CNBD1: variants seen among roughly 807,000 people sequenced by gnomAD.
CNBD1 encodes cyclic nucleotide-binding domain-containing protein 1.
In CNBD1, 71 loss-of-function variants were observed where a neutral mutation model predicts 54.4. That is an observed-to-expected ratio of 1.30 (90% CI 1.08 to 1.59). CNBD1 has a LOEUF of 1.59. Among genes scored for constraint, CNBD1 ranks in the 40% most tolerant of loss-of-function variants. The pLI, the probability that CNBD1 is intolerant of heterozygous loss-of-function variation, is 0.00. For missense variants in CNBD1, 659 were observed against 518.0 expected, an observed-to-expected ratio of 1.27 and a Z score of -2.64; for synonymous variants, 182 against 170.7, an observed-to-expected ratio of 1.07 and a Z score of -0.51.
intron 10 of CNBD1, among the ~76,000 whole-genome samples, chr8:87,377,967 G>C (rs1316509313): frequency 7.0e-6 from 1 of 142,700 alleles, no homozygotes; most frequent in Non-Finnish European, 1.5e-5. Flanking sequence ...AGAAGTGTCT[G>C]TTCATGTCCT....
chr8:87,228,843 G>C (rs1056938895), intron 5 of CNBD1, among the ~76,000 whole-genome samples: 63 of 152,270 alleles, frequency 4.1e-4, no homozygotes, highest in African/African-American at 1.4e-3. Context: ...CTCCAGCCTC[G>C]CTGCTGCCTT....
rs1056938895 is a variant in CNBD1, at chr8:87,228,843, G to A, written c.578-8076G>A. 7.0e-4 allele frequency among the ~76,000 whole-genome samples: 106 copies of A among 152,268 alleles called. 1 individual carries two copies. Among genetic ancestry groups the A allele is most frequent in the African/African-American group, 2.2e-3 (90 of 41,536 alleles). On this transcript the variant is annotated intron_variant, in intron 5 of 10. Coordinates refer to ENST00000518476, the MANE Select transcript of CNBD1 (RefSeq NM_173538.3). The stretch of plus-strand genomic sequence containing the variant: ...TGGCGGGCGCCCCTCCTCCAGCCTC[G>A]CTGCTGCCTTGCAGTTTGATCTCAG...
At chr8:87,385,043 TG>T (rs1172876759), downstream of CNBD1, among the ~76,000 whole-genome samples, 1 of 152,104 alleles carries the variant, frequency 6.6e-6, no homozygotes, top group Non-Finnish European at 1.5e-5. Context: ...AATAATCACT[TG>T]GGTTCTATAT....
In CNBD1 at chr8:87,369,646, A is replaced by T. The variant is rs137925536; in HGVS notation, c.1304-12974A>T. 9.4e-4 allele frequency among the ~76,000 whole-genome samples: 142 copies of T among 151,862 alleles called. 1 individual carries two copies. The highest frequency in any genetic ancestry group is 1.3e-3 in the Non-Finnish European group (87 of 67,940). ...GTTATTCCTCCTTCTTCTGGCCTCT[A>T]TAGTTTCCAATGAGAAGTTGCTGTT... On this transcript the variant is annotated intron_variant, in intron 10 of 10. Transcript: ENST00000518476.
At chr8:87,356,740 C>T (rs1229417359) in intron 10 of CNBD1, among the ~76,000 whole-genome samples, 2 of 152,124 alleles carry the variant, frequency 1.3e-5, no homozygotes, top group Admixed American at 1.3e-4. Flanking sequence ...TTTAAATGCA[C>T]TGTGGAGCAA....
chr8:87,392,125 T>G (rs116453846), intron 2 of CNBD1, among the ~76,000 whole-genome samples: 2,870 of 152,116 alleles, frequency 0.019, 92 homozygotes, highest in African/African-American at 0.062. Flanking sequence ...TACCTACTAT[T>G]TTGAAAAATT....
At chr8:87,032,121 G>A (rs553962822) in intron 4 of CNBD1, among the ~76,000 whole-genome samples, 2 of 152,268 alleles carry the variant, frequency 1.3e-5, no homozygotes, top group African/African-American at 4.8e-5. Context: ...TTGAAAGAAG[G>A]TTCTTAATGG....
intron 4 of CNBD1, among the ~76,000 whole-genome samples, chr8:86,949,398 C>A (rs1235738164): frequency 1.3e-5 from 2 of 152,028 alleles, no homozygotes; most frequent in East Asian, 1.9e-4. Context: ...AATATCTTTC[C>A]ATTTTTGGTG....
rs111244963 is a variant in CNBD1 at position 87,081,496 on chromosome 8, G to GT, written c.432-124489dup. 2.7e-3 allele frequency among the ~76,000 whole-genome samples: 393 copies of GT among 145,808 alleles called. 3 individuals carry two copies. Among genetic ancestry groups the GT allele is most frequent in the African/African-American group, 8.9e-3 (359 of 40,344 alleles). ...GCTGTTATTGGGTGGACTATTTTTT[G>GT]TTTTTTTTGTTTTTGTTTTTTTTTT... is the stretch of plus-strand genomic sequence containing the variant. On this transcript the variant is annotated intron_variant, in intron 4 of 10. Coordinates refer to ENST00000518476, the MANE Select transcript of CNBD1 (RefSeq NM_173538.3).
In CNBD1 at chr8:87,426,945, A is replaced by G. The variant is rs149000741; in HGVS notation, c.214-1601A>G. On this transcript the variant is annotated intron_variant, in intron 2 of 7. Transcript: ENST00000521593. The stretch of plus-strand genomic sequence containing the variant: ...CATCCTTTCTCAATTAATAATATAA[A>G]CTTTGTCAAATAATGGAGCCAACTG... Among the ~76,000 whole-genome samples, 459 of 152,286 alleles carry G rather than the reference A, an allele frequency of 3.0e-3. 5 individuals carry two copies. Among genetic ancestry groups the G allele is most frequent in the African/African-American group, 9.9e-3 (412 of 41,550 alleles).
At position 87,302,926 on chromosome 8, in the gene CNBD1, C is replaced by T. The variant is rs1242010053; in HGVS notation, c.1042+16255C>T. On this transcript the variant is annotated intron_variant, in intron 8 of 10. Transcript: ENST00000518476. ...ATAAAATACCTAGGAATCCAACTTA[C>T]AAGGGATGTGAAGGACCTCTTCAAG... Among the ~76,000 whole-genome samples the T allele has an allele frequency of 2.3e-3, 350 of 151,890 alleles. 2 individuals carry two copies. Among genetic ancestry groups the T allele is most frequent in the African/African-American group, 7.1e-3 (295 of 41,398 alleles).
intron 2 of CNBD1, among the ~76,000 whole-genome samples, chr8:87,390,217 G>A (rs561161564): frequency 4.2e-4 from 64 of 152,190 alleles, no homozygotes; most frequent in African/African-American, 1.4e-3. Flanking sequence ...AACACCAAAA[G>A]TAATGGCAAC....
chr8:87,283,286 A>C (rs1391456307), intron 6 of CNBD1, among the ~76,000 whole-genome samples: 10 of 151,992 alleles, frequency 6.6e-5, no homozygotes, highest in Non-Finnish European at 1.2e-4. Context: ...TGATTTTTAT[A>C]GTCTACACAT....
chr8:86,988,399 TG>T (rs1808659130), intron 4 of CNBD1, among the ~76,000 whole-genome samples: 1 of 152,078 alleles, frequency 6.6e-6, no homozygotes, highest in Non-Finnish European at 1.5e-5. Flanking sequence ...TGTGGGTACA[TG>T]GTGTATATAT....
intron 4 of CNBD1, among the ~76,000 whole-genome samples, chr8:87,146,629 T>C (rs1237515065): frequency 3.3e-5 from 5 of 152,154 alleles, no homozygotes; most frequent in Admixed American, 2.0e-4. Context: ...ATTATCCTAC[T>C]TATTCCAGCC....
At chr8:87,204,950 T>C (rs1301063372) in intron 4 of CNBD1, among the ~76,000 whole-genome samples, 1 of 150,752 alleles carries the variant, frequency 6.6e-6, no homozygotes, top group East Asian at 1.9e-4. Context: ...ACTAAGCTAG[T>C]ATTTTTAAAC....
intron 2 of CNBD1, among the ~76,000 whole-genome samples, chr8:87,412,360 A>G (rs538138549): frequency 2.6e-5 from 4 of 152,234 alleles, no homozygotes; most frequent in Admixed American, 2.0e-4. Flanking sequence ...CAGTAATACT[A>G]TGTCAATATA....
intron 8 of CNBD1, among the ~76,000 whole-genome samples, chr8:87,325,938 G>A (rs1809658438): frequency 8.9e-6 from 1 of 112,992 alleles, no homozygotes; most frequent in Admixed American, 8.6e-5. Context: ...GCAGCAGCTG[G>A]TACCGGTTGT....
At chr8:87,298,893 A>G (rs909707051) in intron 8 of CNBD1, among the ~76,000 whole-genome samples, 2 of 152,114 alleles carry the variant, frequency 1.3e-5, no homozygotes, top group African/African-American at 4.8e-5. Context: ...TTTCACACAC[A>G]TTGTCTCATT....
Sources: allele counts gnomAD v4.1 joint callset (sites outside exome capture counted in the v4.1 genomes callset), GRCh38; gene constraint gnomAD v4.1.1; transcripts MANE v1.5; gene names NCBI Gene and HGNC (gene_info 2026-07-23, HGNC 2026-07-21).